The following PSPC1 variants were observed in gnomAD, a reference collection of about 807,000 sequenced individuals.
PSPC1 encodes paraspeckle protein 1.
A neutral mutation model predicts 51.6 loss-of-function variants in PSPC1; 14 were observed. The observed-to-expected ratio is 0.27, with a 90% confidence interval of 0.18 to 0.42. PSPC1 has a LOEUF of 0.42. Ranked by LOEUF, PSPC1 falls within the 10% of genes least tolerant of loss-of-function variation. The pLI, the probability that PSPC1 is intolerant of heterozygous loss-of-function variation, is 1.00. For missense variants in PSPC1, 406 were observed against 701.1 expected, an observed-to-expected ratio of 0.58 and a Z score of 4.75; for synonymous variants, 193 against 231.9, an observed-to-expected ratio of 0.83 and a Z score of 1.53.
chr13:19,736,579 A>T (rs934455320), intron 5 of PSPC1, among the ~76,000 whole-genome samples: 1 of 152,108 alleles, frequency 6.6e-6, no homozygotes, highest in Non-Finnish European at 1.5e-5. Flanking sequence ...GCTACTCCGG[A>T]GGCTGAGGCA....
intron 6 of PSPC1, among the ~76,000 whole-genome samples, chr13:19,686,675 T>A (rs538201265): frequency 6.6e-6 from 1 of 152,192 alleles, no homozygotes; most frequent in Non-Finnish European, 1.5e-5. Flanking sequence ...TTCAAAAATA[T>A]AGTTTATGTA....
exon 7 of PSPC1, chr13:19,677,788 C>T (rs1323159324): frequency 1.4e-5 from 7 of 490,086 alleles, no homozygotes; most frequent in Non-Finnish European, 2.5e-5. Context: ...GCAAGCTGAA[C>T]TTCGGGTAAC....
intron 6 of PSPC1, among the ~76,000 whole-genome samples, chr13:19,726,977 C>G (rs1883421129): frequency 6.6e-6 from 1 of 152,128 alleles, no homozygotes; most frequent in Non-Finnish European, 1.5e-5. Context: ...TCAAATGGGA[C>G]TAATAAGCTT....
chr13:19,782,892 G>T lies in PSPC1; in HGVS notation c.-135C>A. 1 of 1,047,122 alleles carries T rather than the reference G, an allele frequency of 9.5e-7. No homozygotes were observed. The highest frequency in any genetic ancestry group is 1.3e-6 in the Non-Finnish European group (1 of 786,692). 64.9% of individuals were successfully genotyped at this position (1,047,122 alleles called of 1,614,324 possible). ...CAAGAGACCGCTAGGTAGGCGAGTCGGCAACCCGTCCTCCCCCAACTCACG... is the reference window on the plus strand; with the variant it reads ...CAAGAGACCGCTAGGTAGGCGAGTCTGCAACCCGTCCTCCCCCAACTCACG... On this transcript the variant is annotated 5_prime_UTR_variant, in exon 1 of 9. Coordinates refer to ENST00000338910, the MANE Select transcript of PSPC1 (RefSeq NM_001354909.2). The surrounding 1 kb of genome is among the most constrained non-coding windows in gnomAD (Gnocchi z 4.5).
chr13:19,710,660 T>A (rs2137778631), intron 6 of PSPC1, among the ~76,000 whole-genome samples: 1 of 152,300 alleles, frequency 6.6e-6, no homozygotes, highest in South Asian at 2.1e-4. Flanking sequence ...TAATTGCCAT[T>A]AAGCCACAAG....
chr13:19,768,230 A>C (rs891620412), intron 2 of PSPC1, among the ~76,000 whole-genome samples: 11 of 151,806 alleles, frequency 7.2e-5, no homozygotes, highest in East Asian at 1.9e-4. Flanking sequence ...GTCCCCCCCC[A>C]AAAAAATAAA....
At chr13:19,687,766 T>C (rs1011814377) in intron 6 of PSPC1, among the ~76,000 whole-genome samples, 3 of 152,102 alleles carry the variant, frequency 2.0e-5, no homozygotes, top group Non-Finnish European at 4.4e-5. Context: ...CTTCCTGCAG[T>C]TAAGGCCATT....
intron 6 of PSPC1, among the ~76,000 whole-genome samples, chr13:19,717,625 G>T (rs1231241918): frequency 1.4e-5 from 2 of 145,892 alleles, no homozygotes; most frequent in East Asian, 4.1e-4. Context: ...AAAATCGCTT[G>T]AAACCAGAAG....
At chr13:19,721,920 T>C (rs1383071939) in intron 6 of PSPC1, among the ~76,000 whole-genome samples, 14 of 152,268 alleles carry the variant, frequency 9.2e-5, no homozygotes, top group Admixed American at 9.2e-4. Flanking sequence ...ATGCCACCTA[T>C]GTTTTCCAAA....
intron 7 of PSPC1, among the ~76,000 whole-genome samples, chr13:19,676,500 A>C (rs1050873946): frequency 6.6e-6 from 1 of 152,230 alleles, no homozygotes; most frequent in Non-Finnish European, 1.5e-5. Context: ...TAATTTCTCA[A>C]AACTACAGAA....
At chr13:19,727,748 T>C (rs940462612) in intron 6 of PSPC1, among the ~76,000 whole-genome samples, 1 of 152,108 alleles carries the variant, frequency 6.6e-6, no homozygotes, top group Non-Finnish European at 1.5e-5. Flanking sequence ...TAAAAAACAA[T>C]CTCATAAAAT....
At chr13:19,753,484 C>T (rs1048112699) in intron 3 of PSPC1, among the ~76,000 whole-genome samples, 1 of 152,048 alleles carries the variant, frequency 6.6e-6, no homozygotes, top group African/African-American at 2.4e-5. Flanking sequence ...AATGCTTCTG[C>T]CTCCCAAAGT....
chr13:19,751,346 T>G lies in PSPC1; in HGVS notation c.892A>C (p.Arg298=). 6.3e-7 allele frequency: 1 copy of G among 1,591,528 alleles called. No homozygotes were observed. Among genetic ancestry groups the G allele is most frequent in the Non-Finnish European group, 8.5e-7 (1 of 1,173,638 alleles). The change falls in exon 4 of 9, where the codon AGA becomes CGA. Residue 298 remains arginine (R), a synonymous_variant. Coordinates refer to ENST00000338910, the MANE Select transcript of PSPC1 (RefSeq NM_001354909.2). ...GCCTCCAGTTTCTCTTTGGCTTCTC[T>G]GATGTTTCTATCAACCTGCTCACGC... ...QQREQVDRNI[R]EAKEKLEAEM...
chr13:19,727,580 A>C (rs967500419), intron 6 of PSPC1, among the ~76,000 whole-genome samples: 4 of 152,188 alleles, frequency 2.6e-5, no homozygotes, highest in African/African-American at 9.7e-5. Flanking sequence ...AGCAATGTTT[A>C]CTCCAAGAAA....
intron 8 of PSPC1, among the ~76,000 whole-genome samples, chr13:19,703,677 C>T (rs962593837): frequency 6.6e-6 from 1 of 151,902 alleles, no homozygotes; most frequent in Non-Finnish European, 1.5e-5. Context: ...TCTCTGATTC[C>T]TTTTTTCAAA....
chr13:19,762,630 G>T (rs554248416), intron 2 of PSPC1, among the ~76,000 whole-genome samples: 2 of 152,164 alleles, frequency 1.3e-5, no homozygotes, highest in African/African-American at 4.8e-5. Flanking sequence ...ACATGGGTAC[G>T]TATTGTGTAC....
At chr13:19,727,281 C>T (rs1883463108) in intron 6 of PSPC1, among the ~76,000 whole-genome samples, 1 of 152,130 alleles carries the variant, frequency 6.6e-6, no homozygotes, top group African/African-American at 2.4e-5. Flanking sequence ...GTAATCCCAG[C>T]TACTCGGGAG....
intron 7 of PSPC1, among the ~76,000 whole-genome samples, chr13:19,708,385 C>A (rs1403973758): frequency 6.6e-6 from 1 of 152,112 alleles, no homozygotes; most frequent in African/African-American, 2.4e-5. Flanking sequence ...CTTCATAACA[C>A]CTTTTGTGGG....
intron 1 of PSPC1, among the ~76,000 whole-genome samples, chr13:19,774,857 G>T (rs1888950877): frequency 7.0e-6 from 1 of 143,524 alleles, no homozygotes; most frequent in Admixed American, 6.9e-5. Context: ...AGAAAGAAAA[G>T]CAAACATTTG....
Sources: gnomAD v4.1 joint callset for allele counts (sites outside exome capture counted in the v4.1 genomes callset) on GRCh38, gnomAD v4.1.1 for gene constraint, Gnocchi (gnomAD v3.1) non-coding constraint, MANE v1.5 for transcripts, NCBI Gene and HGNC (gene_info 2026-07-23, HGNC 2026-07-21) for gene names.